SRCIN1: variants seen among roughly 807,000 people sequenced by gnomAD.
SRCIN1 encodes the protein SRC kinase signaling inhibitor 1, also known as P130Cas-associated protein.
SRCIN1 carries 50 observed loss-of-function variants against 116.2 expected under a neutral mutation model. The observed-to-expected ratio is 0.43, with a 90% CI of 0.34 to 0.54. The LOEUF is 0.54. SRCIN1 is among the 20% of genes least tolerant of loss of function. The pLI is 0.02. For synonymous variants in SRCIN1, 736 were observed against 750.0 expected, an observed-to-expected ratio of 0.98 and a Z score of 0.30; for missense variants, 1,446 against 1,672.0, an observed-to-expected ratio of 0.86 and a Z score of 2.36.
chr17:38,581,464 G>A (rs1431942946), intron 1 of SRCIN1, among the ~76,000 whole-genome samples: 1 of 135,864 alleles, frequency 7.4e-6, no homozygotes, highest in Non-Finnish European at 1.6e-5. Context: ...CCACACCCAG[G>A]TCTTTTTTTT....
intron 2 of SRCIN1, among the ~76,000 whole-genome samples, chr17:38,569,628 C>G (rs1906950067): frequency 6.6e-6 from 1 of 152,128 alleles, no homozygotes; most frequent in African/African-American, 2.4e-5. Context: ...CCTAAGCCAC[C>G]ATCCCCATCC....
chr17:38,564,341 A>C (rs1906518811), intron 3 of SRCIN1, 28 bp from the exon 4 acceptor site: 7 of 1,491,702 alleles, frequency 4.7e-6, no homozygotes, highest in Admixed American at 2.1e-5. Flanking sequence ...GGTGAGAGGA[A>C]CCAAGGATGA....
chr17:38,591,147 G>C (rs748364317), intron 1 of SRCIN1, among the ~76,000 whole-genome samples: 7 of 152,216 alleles, frequency 4.6e-5, no homozygotes, highest in Admixed American at 2.0e-4. Flanking sequence ...GCCACAGGCT[G>C]TGCAGAGACA....
chr17:38,551,270 G>A lies in SRCIN1; in HGVS notation c.2847C>T (p.Asp949=). Residue 949 remains aspartate, a synonymous_variant, in exon 15 of 19, where the codon GAC becomes GAT. Transcript: ENST00000617146. ...GGCCTGGATGGGCCTTGCTGGCACAGTCCAGGTCAGGGATGGCCTTGAGCA... is the reference window on the plus strand; with the variant it reads ...GGCCTGGATGGGCCTTGCTGGCACAATCCAGGTCAGGGATGGCCTTGAGCA... ...AELLKAIPDL[D]CASKAHPGPA... The A allele has an allele frequency of 6.2e-7, 1 of 1,613,614 alleles. No individual in the cohort carries two copies. The highest frequency in any genetic ancestry group is 8.5e-7 in the Non-Finnish European group (1 of 1,179,776).
intron 2 of SRCIN1, among the ~76,000 whole-genome samples, chr17:38,571,312 A>G (rs1279098525): frequency 1.3e-5 from 2 of 152,132 alleles, no homozygotes; most frequent in Non-Finnish European, 2.9e-5. Context: ...CCTGGTGGAT[A>G]GCAGGCACTC....
At position 38,552,479 on chromosome 17, in the gene SRCIN1, G is replaced by A. The variant is rs778344979; in HGVS notation, c.2448C>T (p.Arg816=). 79 of 1,603,304 alleles carry A rather than the reference G, an allele frequency of 4.9e-5. No individual in the cohort carries two copies. In the African/African-American group the frequency reaches 8.6e-4, roughly 17 times the overall value. ...TCTGGGCCAGCGTGTCCGTGACCCC[G>A]CGGCAGCGCTTGAGGAGCCCATCCA... is the stretch of plus-strand genomic sequence containing the variant. ...QRLDGLLKRC[R]GVTDTLAQIR... The change falls in exon 13 of 19, where the codon CGC becomes CGT. Residue 816 remains arginine, a synonymous_variant. Transcript: ENST00000617146. The surrounding 1 kb of genome is among the most constrained non-coding windows in gnomAD (Gnocchi z 5.3).
chr17:38,594,063 T>A (rs1223454107), intron 1 of SRCIN1, among the ~76,000 whole-genome samples: 2 of 152,200 alleles, frequency 1.3e-5, no homozygotes, highest in African/African-American at 4.8e-5. Flanking sequence ...GAGAAGAACA[T>A]TCAGGTCTCA....
At position 38,605,664 on chromosome 17, in the gene SRCIN1, GGAGA is replaced by G. The variant is rs752375664; in HGVS notation, c.22+16_22+19del. 4 of 1,388,086 alleles carry G rather than the reference GGAGA, an allele frequency of 2.9e-6. No individual in the cohort carries two copies. The highest frequency in any genetic ancestry group is 1.5e-5 in the South Asian group (1 of 64,674). 86.0% of individuals were successfully genotyped at this position (1,388,086 alleles called of 1,614,324 possible). A position where few individuals can be genotyped will look rare whatever the true frequency, so the allele number is the denominator to read the frequency against. On this transcript the variant is annotated intron_variant, in intron 1 of 18. Coordinates refer to ENST00000617146, the MANE Select transcript of SRCIN1 (RefSeq NM_025248.3). The stretch of plus-strand genomic sequence containing the variant: ...CTTAAGCATGGAGGCACATTAGGGA[GGAGA>G]GAGACAGGGACATGCCTTGGGACGG...
Position 38,561,561 on chromosome 17 carries a change from C to A in SRCIN1, c.1602G>T (p.Ser534=). Residue 534 remains serine (S), a synonymous_variant, in exon 7 of 19, where the codon TCG becomes TCT. Transcript: ENST00000617146. ...GGKTRSAGSA[S]TAGAPPSELF... ...GCTCCGAAGGGGGAGCTCCGGCCGT[C>A]GAGGCGCTCCCCGCGCTGCGGGTCT... 1 of 1,601,154 alleles carries A rather than the reference C, an allele frequency of 6.2e-7. No individual in the cohort carries two copies. The highest frequency in any genetic ancestry group is 8.5e-7 in the Non-Finnish European group (1 of 1,175,932).
intron 11 of SRCIN1, among the ~76,000 whole-genome samples, chr17:38,553,071 A>G (rs1905550002): frequency 6.6e-6 from 1 of 152,126 alleles, no homozygotes; most frequent in Non-Finnish European, 1.5e-5. Flanking sequence ...CCTGGGCAAC[A>G]TAGGGAGACC....
In SRCIN1 at chr17:38,604,926, G is replaced by C. The variant is rs1407661841; in HGVS notation, c.22+758C>G. ...TGCCCCCTGGCCTCTGCAGGGGGAG[G>C]GGTTAAGATCAAATAGCCCCTCCCT... On this transcript the variant is annotated intron_variant, in intron 1 of 18. Transcript: ENST00000617146. The surrounding 1 kb of genome is among the most constrained non-coding windows in gnomAD (Gnocchi z 4.3). 1.3e-5 allele frequency among the ~76,000 whole-genome samples: 2 copies of C among 151,656 alleles called. No individual in the cohort carries two copies. Among genetic ancestry groups the C allele is most frequent in the Non-Finnish European group, 2.9e-5 (2 of 67,826 alleles).
At chr17:38,590,779 T>C (rs912870743) in intron 1 of SRCIN1, among the ~76,000 whole-genome samples, 76 of 152,248 alleles carry the variant, frequency 5.0e-4, no homozygotes, top group African/African-American at 1.6e-3. Context: ...TCCCCTACAC[T>C]CTGTTGCCCC....
rs570749415 is a variant in SRCIN1 at position 38,540,772 on chromosome 17, T to A, written c.3417+3051A>T. ...GTGTGTGTGTGTGTGTGTGTGTGTGTGACACACACAGAGACAATCAAATCT... is the reference window on the plus strand; with the variant it reads ...GTGTGTGTGTGTGTGTGTGTGTGTGAGACACACACAGAGACAATCAAATCT... On this transcript the variant is annotated intron_variant, in intron 18 of 18. Coordinates refer to ENST00000617146, the MANE Select transcript of SRCIN1 (RefSeq NM_025248.3). Among the ~76,000 whole-genome samples the A allele has an allele frequency of 1.5e-4, 23 of 149,320 alleles. No individual in the cohort carries two copies. In the East Asian group the frequency reaches 1.8e-3, roughly 12 times the overall value.
At chr17:38,566,011 G>T (rs559986052) in intron 3 of SRCIN1, among the ~76,000 whole-genome samples, 11 of 152,274 alleles carry the variant, frequency 7.2e-5, no homozygotes, top group African/African-American at 2.6e-4. Context: ...GAGCTCTGTG[G>T]CAGTGTGGGG....
intron 1 of SRCIN1, among the ~76,000 whole-genome samples, chr17:38,581,481 T>A (rs115923900): frequency 0.037 from 5,513 of 149,904 alleles, 342 homozygotes; most frequent in African/African-American, 0.12. Context: ...TTTTTTTTTT[T>A]AAATACCTTT....
At chr17:38,589,603 A>C (rs1166048164) in intron 1 of SRCIN1, among the ~76,000 whole-genome samples, 1 of 152,202 alleles carries the variant, frequency 6.6e-6, no homozygotes, top group Non-Finnish European at 1.5e-5. Flanking sequence ...GGCGATGTTC[A>C]TGAGTGAGAC....
intron 14 of SRCIN1, 85 bp from the exon 15 acceptor site, chr17:38,551,474 T>C (rs969085719): frequency 6.0e-6 from 7 of 1,176,274 alleles, no homozygotes; most frequent in Middle Eastern, 2.0e-4. Flanking sequence ...CCAAGCCACG[T>C]AGGCAAGGAA....
chr17:38,591,656 C>T (rs550350951), intron 1 of SRCIN1, among the ~76,000 whole-genome samples: 48 of 152,338 alleles, frequency 3.2e-4, no homozygotes, highest in African/African-American at 1.1e-3. Context: ...CCTCCTGCTC[C>T]TAACGCTCAG....
At position 38,558,921 on chromosome 17, in the gene SRCIN1, T is replaced by C. The variant is rs1052027334; in HGVS notation, c.2026-519A>G. On this transcript the variant is annotated intron_variant, in intron 10 of 18. Transcript: ENST00000617146. This position sits in a 1 kb window ranked among gnomAD's most constrained non-coding sequence, Gnocchi z 4.6. Reference sequence around the variant, plus strand: ...CTCAAGCGCTGGCATTTGATAGAGCTTCTATGGCTGGGACAGGAAGACTAA... The same window carrying C: ...CTCAAGCGCTGGCATTTGATAGAGCCTCTATGGCTGGGACAGGAAGACTAA... 5.6e-6 allele frequency: 1 copy of C among 179,740 alleles called. No homozygotes were observed. The highest frequency in any genetic ancestry group is 1.2e-5 in the Non-Finnish European group (1 of 86,176). The allele number at this position is 179,740 out of a possible 1,614,324, so 11.1% of individuals were successfully genotyped here.
Sources: allele counts gnomAD v4.1 joint callset (sites outside exome capture counted in the v4.1 genomes callset), GRCh38; gene constraint gnomAD v4.1.1; non-coding constraint Gnocchi (gnomAD v3.1); transcripts MANE v1.5; gene names NCBI Gene and HGNC (gene_info 2026-07-23, HGNC 2026-07-21).